The following RAD54B variants were observed in gnomAD, a reference collection of about 807,000 sequenced individuals.
The protein encoded by RAD54B is DNA repair and recombination protein RAD54B.
Under a neutral mutation model 95.8 loss-of-function variants are expected in RAD54B, and 78 were observed. The observed-to-expected ratio is 0.81, with a 90% CI of 0.68 to 0.98. The LOEUF is 0.98. Ranked by LOEUF, RAD54B falls within the 50% of genes least tolerant of loss-of-function variation. The probability of loss-of-function intolerance (pLI) is 0.00; values close to 1 mark genes in which losing one functional copy is unlikely to be tolerated. For synonymous variants in RAD54B, 328 were observed against 354.9 expected (o/e 0.92, Z 0.85); for missense variants, 957 against 1,056.6 (o/e 0.91, Z 1.31).
At chr8:94,373,830 A>G (rs1231863865) in intron 14 of RAD54B, among the ~76,000 whole-genome samples, 1 of 152,202 alleles carries the variant, frequency 6.6e-6, no homozygotes, top group East Asian at 1.9e-4. Flanking sequence ...TAATAAATAT[A>G]TAGCATGTAT....
intron 3 of RAD54B, among the ~76,000 whole-genome samples, chr8:94,422,656 A>C (rs1184893558): frequency 8.0e-6 from 1 of 125,562 alleles, no homozygotes; most frequent in African/African-American, 3.0e-5. Flanking sequence ...ATATATATAA[A>C]ATTATCAGTG....
rs531920727 is a variant in RAD54B at position 94,382,003 on chromosome 8, A to G, written c.1986-1597T>C. ...GTGGTGGGCGCCTGTAGTCCCAGCT[A>G]CTCCGGAGGCTGAAGCAGGAGAATG... On this transcript the variant is annotated intron_variant, in intron 11 of 14. Coordinates refer to ENST00000336148, the MANE Select transcript of RAD54B (RefSeq NM_012415.3). Among the ~76,000 whole-genome samples the G allele has an allele frequency of 4.0e-5, 6 of 151,072 alleles. No homozygotes were observed. In the South Asian group the frequency reaches 6.3e-4, roughly 16 times the overall value.
chr8:94,374,203 C>T lies in RAD54B; in HGVS notation c.2516-1816G>A, dbSNP rs113208641. ...CTGAGGCAGGAGAATGGCGTTAACC[C>T]GGGAGGCGGAGCTGGCAGTGAGCCG... On this transcript the variant is annotated intron_variant, in intron 14 of 14. Coordinates refer to ENST00000336148, the MANE Select transcript of RAD54B (RefSeq NM_012415.3). Among the ~76,000 whole-genome samples, 1,126 of 151,694 alleles carry T rather than the reference C, an allele frequency of 7.4e-3. 11 individuals are homozygous for T. Among genetic ancestry groups the T allele is most frequent in the Middle Eastern group, 0.01 (3 of 294 alleles).
At chr8:94,405,314 T>G (rs2381828) in intron 5 of RAD54B, among the ~76,000 whole-genome samples, 20,511 of 152,026 alleles carry the variant, frequency 0.13, 2,005 homozygotes, top group African/African-American at 0.27. Flanking sequence ...TATATTTGCA[T>G]GCCTACATCA....
At chr8:94,381,169 G>C (rs1470033807) in intron 11 of RAD54B, among the ~76,000 whole-genome samples, 1 of 152,078 alleles carries the variant, frequency 6.6e-6, no homozygotes, top group Admixed American at 6.5e-5. Context: ...TACTGAATAA[G>C]ATCCCTCTAC....
At chr8:94,425,816 GAA>G (rs200507754) in intron 3 of RAD54B, among the ~76,000 whole-genome samples, 1 of 132,850 alleles carries the variant, frequency 7.5e-6, no homozygotes. Flanking sequence ...GTACTAAAAT[GAA>G]AAAAAAAAAA....
Position 94,387,020 on chromosome 8 carries a change from A to G in RAD54B, c.1949T>C (p.Leu650Pro). ...TCGAAGTTCGTGGATAACCGCTAAG[A>G]GCTTGGACAACACCTGTAGTTTTCC... ...ESGKLQVLSK[L>P]LAVIHELRPT... Residue 650 changes from leucine (L) to proline (P), a missense_variant, in exon 11 of 15, where the codon CTC (leucine) becomes CCC (proline). By Grantham distance (98) the Leu-to-Pro change is moderately conservative (BLOSUM62 -3). Transcript: ENST00000336148. The G allele has an allele frequency of 2.5e-6, 4 of 1,610,354 alleles. No individual in the cohort carries two copies. Among genetic ancestry groups the G allele is most frequent in the Non-Finnish European group, 3.4e-6 (4 of 1,179,010 alleles).
intron 3 of RAD54B, among the ~76,000 whole-genome samples, chr8:94,412,491 A>G (rs1482643773): frequency 1.3e-5 from 2 of 152,082 alleles, no homozygotes; most frequent in African/African-American, 2.4e-5. Context: ...TATTATTAAA[A>G]TTACGTTGTC....
rs1031834588 is a variant in RAD54B at position 94,387,790 on chromosome 8, C to G, written c.1810-631G>C. Among the ~76,000 whole-genome samples, 4 of 152,190 alleles carry G rather than the reference C, an allele frequency of 2.6e-5. No homozygotes were observed. The East Asian group carries it at 7.7e-4, about 29-fold the overall frequency. Reference sequence around the variant, plus strand: ...TGATTATCAGCACCTCTGAAATTCCCCCTCCAAAACTGCCTAGCTGATATG... The same window carrying G: ...TGATTATCAGCACCTCTGAAATTCCGCCTCCAAAACTGCCTAGCTGATATG... On this transcript the variant is annotated intron_variant, in intron 10 of 14. Transcript: ENST00000336148.
chr8:94,431,144 C>T (rs1299750630), intron 3 of RAD54B: 4 of 927,220 alleles, frequency 4.3e-6, no homozygotes, highest in Admixed American at 6.2e-5. Context: ...AATATGTATG[C>T]TTTAAGAATT....
chr8:94,436,143 C>T (rs1812253520), intron 3 of RAD54B, among the ~76,000 whole-genome samples: 1 of 151,884 alleles, frequency 6.6e-6, no homozygotes, highest in East Asian at 1.9e-4. Flanking sequence ...GAAATGTAAT[C>T]TTAAATGAGA....
chr8:94,439,220 A>C (rs1282581000), intron 3 of RAD54B, among the ~76,000 whole-genome samples: 1 of 152,230 alleles, frequency 6.6e-6, no homozygotes, highest in Non-Finnish European at 1.5e-5. Context: ...CTAATATTTT[A>C]CATGAGTAGG....
chr8:94,427,715 G>A, intron 3 of RAD54B: 1 of 982,756 alleles, frequency 1.0e-6, no homozygotes, highest in Non-Finnish European at 1.2e-6. Flanking sequence ...ACACAAATCA[G>A]TACAAAGTAG....
At chr8:94,440,430 A>T (rs933141664) in intron 3 of RAD54B, among the ~76,000 whole-genome samples, 2 of 152,236 alleles carry the variant, frequency 1.3e-5, no homozygotes, top group African/African-American at 4.8e-5. Flanking sequence ...TTTCTAAAGC[A>T]GACTATGAAA....
chr8:94,422,308 C>T (rs1586156293), intron 3 of RAD54B, among the ~76,000 whole-genome samples: 3 of 151,536 alleles, frequency 2.0e-5, no homozygotes, highest in South Asian at 2.1e-4. Context: ...AATTATCAGC[C>T]GGGTGCAGTG....
At chr8:94,448,766 TG>T (rs1305400246) in intron 3 of RAD54B, among the ~76,000 whole-genome samples, 1 of 150,254 alleles carries the variant, frequency 6.7e-6, no homozygotes, top group Non-Finnish European at 1.5e-5. Flanking sequence ...AAAGGTGGGT[TG>T]GTGGGGGAGG....
chr8:94,410,969 T>C, intron 4 of RAD54B, 152 bp downstream of exon 4: 1 of 567,054 alleles, frequency 1.8e-6, no homozygotes, highest in East Asian at 3.3e-5. Context: ...CATTATGAGA[T>C]TATTTTATGT....
intron 10 of RAD54B, among the ~76,000 whole-genome samples, chr8:94,391,199 G>A (rs1811008515): frequency 6.6e-6 from 1 of 151,690 alleles, no homozygotes; most frequent in Non-Finnish European, 1.5e-5. Flanking sequence ...TAAATTTTAT[G>A]CACAATCATG....
intron 3 of RAD54B, chr8:94,427,806 C>T (rs1228398878): frequency 2.1e-6 from 2 of 958,172 alleles, no homozygotes; most frequent in African/African-American, 3.5e-5. Context: ...CAATTTATTA[C>T]ACTCTAAGTT....
Sources: gnomAD v4.1 joint callset for allele counts (sites outside exome capture counted in the v4.1 genomes callset) on GRCh38, gnomAD v4.1.1 for gene constraint, MANE v1.5 for transcripts, NCBI Gene and HGNC (gene_info 2026-07-23, HGNC 2026-07-21) for gene names.